SPOCK1: variants seen among roughly 807,000 people sequenced by gnomAD.
SPOCK1 encodes the protein SPARC (osteonectin), cwcv and kazal like domains proteoglycan 1.
A neutral mutation model predicts 55.3 loss-of-function variants in SPOCK1; 23 were observed. The ratio of observed to expected loss-of-function variants is 0.42; its 90% confidence interval spans 0.30 to 0.59. The LOEUF (loss-of-function observed/expected upper bound fraction) is 0.59, where lower values mean the gene tolerates loss of function less well. Among genes scored for constraint, SPOCK1 ranks in the 20% least tolerant of loss-of-function variants. SPOCK1 has a pLI of 0.22. For synonymous variants in SPOCK1, 226 were observed against 221.0 expected (o/e 1.02, Z -0.20); for missense variants, 499 against 552.5 (o/e 0.90, Z 0.97).
At chr5:137,494,303 A>G (rs1754251290) in intron 2 of SPOCK1, among the ~76,000 whole-genome samples, 1 of 152,162 alleles carries the variant, frequency 6.6e-6, no homozygotes, top group Non-Finnish European at 1.5e-5. Context: ...CCTCATTCAT[A>G]AAGCAGGAAA....
At chr5:137,093,237 T>TGA in intron 5 of SPOCK1, among the ~76,000 whole-genome samples, 1 of 152,108 alleles carries the variant, frequency 6.6e-6, no homozygotes, top group South Asian at 2.1e-4. Context: ...TGTGCTCTCT[T>TGA]TGTCTCCCTG....
chr5:137,354,271 A>T (rs2698234), intron 2 of SPOCK1, among the ~76,000 whole-genome samples: 71,573 of 151,852 alleles, frequency 0.47, 17,348 homozygotes, highest in East Asian at 0.6. Flanking sequence ...ACATCCTTCA[A>T]TGCAGCCAAA....
rs191377986 is a variant in SPOCK1, at chr5:137,152,390, A to C, written c.233-11696T>G. 9.2e-5 allele frequency among the ~76,000 whole-genome samples: 14 copies of C among 152,360 alleles called. No homozygotes were observed. In the East Asian group the frequency reaches 2.7e-3, roughly 29 times the overall value. The stretch of plus-strand genomic sequence containing the variant: ...TACATTAGCTAAGATAAGGGCTATC[A>C]TGCTAATATAAAACATAAATCAGGG... On this transcript the variant is annotated intron_variant, in intron 3 of 10. Coordinates refer to ENST00000394945, the MANE Select transcript of SPOCK1 (RefSeq NM_004598.4).
intron 2 of SPOCK1, 146 bp downstream of exon 2, chr5:137,498,227 C>T: frequency 1.2e-6 from 1 of 817,780 alleles, no homozygotes; most frequent in Non-Finnish European, 1.7e-6. Context: ...CTGGGACCGA[C>T]CAGCCCCCGC....
Position 137,119,356 on chromosome 5 carries a change from G to A in SPOCK1, c.348-6795C>T, listed in dbSNP as rs1329699760. On this transcript the variant is annotated intron_variant, in intron 4 of 10. Transcript: ENST00000394945. ...CAAAATAATGAATGTTAATTGAAAT[G>A]AAAAACATGTTAACCATTGAAATAA... Among the ~76,000 whole-genome samples the A allele has an allele frequency of 3.3e-5, 5 of 152,320 alleles. 1 individual carries two copies. Among genetic ancestry groups the A allele is most frequent in the Middle Eastern group, 6.8e-3 (2 of 294 alleles).
At chr5:137,073,489 G>A (rs549090958) in intron 5 of SPOCK1, among the ~76,000 whole-genome samples, 19 of 152,238 alleles carry the variant, frequency 1.2e-4, no homozygotes, top group African/African-American at 4.1e-4. Context: ...GGGATGAGGA[G>A]AGCGGGAAGG....
chr5:137,101,622 A>G (rs1753265653), intron 5 of SPOCK1, among the ~76,000 whole-genome samples: 1 of 152,204 alleles, frequency 6.6e-6, no homozygotes, highest in Admixed American at 6.5e-5. Flanking sequence ...TTCATGACTA[A>G]TCTGCATGCT....
chr5:137,441,180 T>C (rs559210387), intron 2 of SPOCK1, among the ~76,000 whole-genome samples: 25 of 152,346 alleles, frequency 1.6e-4, no homozygotes, highest in Non-Finnish European at 2.9e-4. Flanking sequence ...GGAAAACTGA[T>C]GAGGTTTCTC....
At chr5:137,155,953 G>C (rs1297312664) in intron 3 of SPOCK1, among the ~76,000 whole-genome samples, 1 of 152,182 alleles carries the variant, frequency 6.6e-6, no homozygotes, top group Non-Finnish European at 1.5e-5. Context: ...TTTTCAACTT[G>C]GACTGATGAA....
chr5:137,149,167 T>C (rs747156748), intron 3 of SPOCK1, among the ~76,000 whole-genome samples: 2 of 152,208 alleles, frequency 1.3e-5, no homozygotes, highest in Non-Finnish European at 2.9e-5. Context: ...GTGAACTGAC[T>C]GTGGTTCCTT....
intron 2 of SPOCK1, among the ~76,000 whole-genome samples, chr5:137,351,020 C>G (rs1750668038): frequency 6.6e-6 from 1 of 152,136 alleles, no homozygotes; most frequent in Admixed American, 6.5e-5. Flanking sequence ...TCACAATGTC[C>G]AACTAGGGCT....
chr5:137,439,364 CA>C (rs1752937046), intron 2 of SPOCK1, among the ~76,000 whole-genome samples: 1 of 152,154 alleles, frequency 6.6e-6, no homozygotes, highest in Non-Finnish European at 1.5e-5. Flanking sequence ...CTGAGGACAC[CA>C]AAGTGTAAAC....
chr5:137,301,118 C>T (rs907614488), intron 2 of SPOCK1, among the ~76,000 whole-genome samples: 1 of 152,186 alleles, frequency 6.6e-6, no homozygotes, highest in Admixed American at 6.5e-5. Context: ...TCTATGCCTC[C>T]ATTGGAATTA....
chr5:137,117,493 A>T (rs946771385), intron 4 of SPOCK1, among the ~76,000 whole-genome samples: 17 of 152,140 alleles, frequency 1.1e-4, no homozygotes, highest in African/African-American at 3.6e-4. Context: ...AAGAGAGGTG[A>T]CTGGGCCTTA....
At chr5:137,032,014 AATAT>A (rs200964209) in intron 6 of SPOCK1, among the ~76,000 whole-genome samples, 19 of 147,886 alleles carry the variant, frequency 1.3e-4, no homozygotes, top group Middle Eastern at 3.6e-3. Context: ...AATAAAAAGA[AATAT>A]ATATATATTC....
chr5:137,362,193 A>G (rs1750962471), intron 2 of SPOCK1, among the ~76,000 whole-genome samples: 1 of 152,210 alleles, frequency 6.6e-6, no homozygotes, highest in Non-Finnish European at 1.5e-5. Context: ...ACTCAAAAGT[A>G]CAGAAGAAGG....
At chr5:137,491,356 C>T (rs140283329) in intron 2 of SPOCK1, among the ~76,000 whole-genome samples, 2 of 152,286 alleles carry the variant, frequency 1.3e-5, no homozygotes, top group East Asian at 3.9e-4. Context: ...TTGTTATTAT[C>T]CATCATCATT....
intron 6 of SPOCK1, among the ~76,000 whole-genome samples, chr5:137,033,783 T>G (rs550183626): frequency 1.3e-5 from 2 of 152,204 alleles, no homozygotes; most frequent in Admixed American, 6.5e-5. Context: ...TTTTATTTTT[T>G]GTAGAGATGA....
chr5:137,227,773 T>C (rs1338540451), intron 3 of SPOCK1, among the ~76,000 whole-genome samples: 1 of 152,122 alleles, frequency 6.6e-6, no homozygotes, highest in Non-Finnish European at 1.5e-5. Context: ...CAGCCAACAG[T>C]GCCAATAACT....
Sources: gnomAD v4.1 joint callset for allele counts (sites outside exome capture counted in the v4.1 genomes callset) on GRCh38, gnomAD v4.1.1 for gene constraint, MANE v1.5 for transcripts, NCBI Gene and HGNC (gene_info 2026-07-23, HGNC 2026-07-21) for gene names.